RBFOX2: variants seen among roughly 807,000 people sequenced by gnomAD.
RBFOX2 encodes RNA binding fox-1 homolog 2.
A neutral mutation model predicts 49.1 loss-of-function variants in RBFOX2; 10 were observed. That is an observed-to-expected ratio of 0.20 (90% CI 0.13 to 0.35). RBFOX2 has a LOEUF of 0.35. Among genes scored for constraint, RBFOX2 ranks in the 10% least tolerant of loss-of-function variants. RBFOX2 has a pLI of 1.00. For synonymous variants in RBFOX2, 183 were observed against 187.4 expected (o/e 0.98, Z 0.19); for missense variants, 323 against 486.9 (o/e 0.66, Z 3.17).
chr22:35,967,310 T>G (rs1279291879), intron 1 of RBFOX2, among the ~76,000 whole-genome samples: 1 of 151,560 alleles, frequency 6.6e-6, no homozygotes, highest in East Asian at 1.9e-4. Context: ...AATTTTCCTA[T>G]AATCCTAGCA....
chr22:35,814,732 A>AG (rs1555962664), intron 1 of RBFOX2, among the ~76,000 whole-genome samples: 2,032 of 146,324 alleles, frequency 0.014, 7 homozygotes, highest in Middle Eastern at 0.035. Context: ...AAAAAAAAAA[A>AG]AAAAGAAAAG....
At chr22:35,792,599 A>G (rs1355153584) in intron 2 of RBFOX2, among the ~76,000 whole-genome samples, 4 of 152,166 alleles carry the variant, frequency 2.6e-5, no homozygotes, top group Non-Finnish European at 5.9e-5. Flanking sequence ...CTAATCTTGC[A>G]AACAACCGTA....
intron 1 of RBFOX2, among the ~76,000 whole-genome samples, chr22:35,933,657 G>A (rs2052677342): frequency 6.6e-6 from 1 of 152,122 alleles, no homozygotes. Flanking sequence ...TGAAACAAAA[G>A]TAAGTCTTCC....
intron 1 of RBFOX2, among the ~76,000 whole-genome samples, chr22:35,850,769 T>C (rs375715429): frequency 1.3e-5 from 2 of 152,168 alleles, no homozygotes; most frequent in African/African-American, 4.8e-5. Context: ...AGAGCCTAAA[T>C]GGCCCATCAA....
In RBFOX2 at chr22:35,759,342, G is replaced by C. The variant is rs189612987; in HGVS notation, c.887+546C>G. The stretch of plus-strand genomic sequence containing the variant: ...TTTCTCCCTTGATTCAATTGGACTT[G>C]GTTCATCTTAGAATTAACCTCTTTT... On this transcript the variant is annotated intron_variant, in intron 9 of 11. Coordinates refer to ENST00000405409, the Ensembl canonical transcript of RBFOX2. This position sits in a 1 kb window ranked among gnomAD's most constrained non-coding sequence, Gnocchi z 4.6. 2.0e-5 allele frequency among the ~76,000 whole-genome samples: 3 copies of C among 152,170 alleles called. No homozygotes were observed. The highest frequency in any genetic ancestry group is 2.9e-5 in the Non-Finnish European group (2 of 67,994).
chr22:35,810,642 T>G (rs1052041087), intron 1 of RBFOX2, among the ~76,000 whole-genome samples: 1 of 152,168 alleles, frequency 6.6e-6, no homozygotes, highest in African/African-American at 2.4e-5. Flanking sequence ...AAAATTCACA[T>G]TAACATCAAA....
At chr22:35,796,947 C>A (rs1473967151) in intron 2 of RBFOX2, among the ~76,000 whole-genome samples, 1 of 152,024 alleles carries the variant, frequency 6.6e-6, no homozygotes, top group East Asian at 1.9e-4. Context: ...CAGTTTCTTC[C>A]CTTGAAGTGG....
chr22:35,970,523 T>C (rs2056812189), intron 1 of RBFOX2, among the ~76,000 whole-genome samples: 1 of 150,524 alleles, frequency 6.6e-6, no homozygotes, highest in African/African-American at 2.4e-5. Context: ...TAACCAGGCA[T>C]GCTGGCATGT....
intron 1 of RBFOX2, among the ~76,000 whole-genome samples, chr22:35,872,102 G>T (rs531024871): frequency 6.6e-6 from 1 of 152,326 alleles, no homozygotes; most frequent in Admixed American, 6.5e-5. Flanking sequence ...TGCTGCCTTT[G>T]AAGAGTTTAC....
chr22:35,931,053 T>A (rs2052334991), intron 1 of RBFOX2, among the ~76,000 whole-genome samples: 2 of 152,132 alleles, frequency 1.3e-5, no homozygotes, highest in Admixed American at 1.3e-4. Flanking sequence ...TAAAGCTGAT[T>A]ACATGGATTG....
intron 1 of RBFOX2, among the ~76,000 whole-genome samples, chr22:35,975,001 A>C (rs2057073655): frequency 6.6e-6 from 1 of 152,232 alleles, no homozygotes; most frequent in Non-Finnish European, 1.5e-5. Flanking sequence ...GGGGCTTCTC[A>C]AACTGTGAGG....
intron 1 of RBFOX2, among the ~76,000 whole-genome samples, chr22:35,828,975 C>A (rs1056421558): frequency 2.0e-5 from 3 of 151,786 alleles, no homozygotes; most frequent in Non-Finnish European, 4.4e-5. Flanking sequence ...CGCTTGAACC[C>A]GGGAGGCAGA....
At chr22:35,935,100 G>C (rs966062607) in intron 1 of RBFOX2, among the ~76,000 whole-genome samples, 2 of 151,798 alleles carry the variant, frequency 1.3e-5, no homozygotes, top group African/African-American at 4.8e-5. Context: ...ACACCCGGCT[G>C]ATTTTTTTTA....
At position 36,006,301 on chromosome 22, in the gene RBFOX2, T is replaced by C. The variant is rs79420335; in HGVS notation, c.186+21939A>G. Among the ~76,000 whole-genome samples the C allele has an allele frequency of 5.3e-3, 805 of 152,212 alleles. 6 individuals carry two copies. Among genetic ancestry groups the C allele is most frequent in the African/African-American group, 0.019 (781 of 41,524 alleles). On this transcript the variant is annotated intron_variant, in intron 1 of 13. Transcript: ENST00000438146. ...AATTCAAATATAATCAAACAGAACA[T>C]AAGATTCAAGTTGTGTCCATGCGGC...
At position 35,876,549 on chromosome 22, in the gene RBFOX2, C is replaced by T. The variant is rs143931745; in HGVS notation, c.-34+62298G>A. Among the ~76,000 whole-genome samples the T allele has an allele frequency of 1.1e-3, 165 of 152,132 alleles. 6 individuals carry two copies. In the East Asian group the frequency reaches 0.022, roughly 20 times the overall value. On this transcript the variant is annotated intron_variant, in intron 1 of 13. Transcript: ENST00000359369. ...AGCCTCAAAACAAAACTCCTTTAAA[C>T]GGATGCCTAAATGGGTTCACTTCCT...
At chr22:35,892,893 A>G (rs560401097) in intron 1 of RBFOX2, among the ~76,000 whole-genome samples, 1 of 152,302 alleles carries the variant, frequency 6.6e-6, no homozygotes, top group South Asian at 2.1e-4. Context: ...ACCTACACTA[A>G]AACTCTCATC....
intron 1 of RBFOX2, among the ~76,000 whole-genome samples, chr22:35,928,558 T>C (rs761918930): frequency 7.2e-5 from 11 of 152,350 alleles, no homozygotes; most frequent in South Asian, 2.1e-4. Context: ...GTTTTCATAG[T>C]TGCTTTCATA....
At position 35,880,299 on chromosome 22, in the gene RBFOX2, A is replaced by G. The variant is rs2045717475; in HGVS notation, c.-34+58548T>C. On this transcript the variant is annotated intron_variant, in intron 1 of 13. Transcript: ENST00000359369. ...TAAGGTTTTTTTTAGCTCAAGTAAC[A>G]GAAAGATGTCATTATCTGAGAAGAA... Among the ~76,000 whole-genome samples, 3 of 152,344 alleles carry G rather than the reference A, an allele frequency of 2.0e-5. No individual in the cohort carries two copies. The South Asian group carries it at 6.2e-4, about 32-fold the overall frequency.
At chr22:35,943,892 G>A (rs1286337200), upstream of RBFOX2, among the ~76,000 whole-genome samples, 3 of 152,220 alleles carry the variant, frequency 2.0e-5, no homozygotes, top group Non-Finnish European at 2.9e-5. Flanking sequence ...GCGACAGAGC[G>A]AGACTCCGTC....
Sources: allele counts gnomAD v4.1 joint callset (sites outside exome capture counted in the v4.1 genomes callset), GRCh38; gene constraint gnomAD v4.1.1; non-coding constraint Gnocchi (gnomAD v3.1); transcripts MANE v1.5; gene names NCBI Gene and HGNC (gene_info 2026-07-23, HGNC 2026-07-21).